The following NUP85 variants were observed in gnomAD, a reference collection of about 807,000 sequenced individuals.
NUP85 encodes nuclear pore complex protein Nup85.
In NUP85, 23 loss-of-function variants were observed where a neutral mutation model predicts 92.8. The ratio of observed to expected loss-of-function variants is 0.25; its 90% CI spans 0.18 to 0.35. The LOEUF is 0.35. Ranked by LOEUF, NUP85 falls within the 10% of genes least tolerant of loss-of-function variation. The pLI is 1.00. For synonymous variants in NUP85, 314 were observed against 306.9 expected, an observed-to-expected ratio of 1.02 and a Z score of -0.24; for missense variants, 759 against 822.8, an observed-to-expected ratio of 0.92 and a Z score of 0.95.
At chr17:75,222,806 C>T (rs1246373122) in intron 7 of NUP85, among the ~76,000 whole-genome samples, 6 of 151,908 alleles carry the variant, frequency 3.9e-5, no homozygotes, top group East Asian at 1.9e-4. Context: ...GAGGCCGAGG[C>T]GGGCGGATCA....
At chr17:75,230,066 C>CA (rs1270780134) in intron 11 of NUP85, among the ~76,000 whole-genome samples, 9 of 135,928 alleles carry the variant, frequency 6.6e-5, no homozygotes, top group Non-Finnish European at 1.3e-4. Context: ...TTTTTGGAGA[C>CA]AGAGTCTTGC....
chr17:75,218,087 T>G, intron 6 of NUP85, 98 bp from the exon 7 acceptor site: 1 of 1,518,384 alleles, frequency 6.6e-7, no homozygotes, highest in Non-Finnish European at 9.1e-7. Flanking sequence ...ACCTATGTAG[T>G]CAGCTTGTCT....
chr17:75,234,430 G>A (rs913215457), intron 16 of NUP85, among the ~76,000 whole-genome samples: 7 of 152,076 alleles, frequency 4.6e-5, no homozygotes, highest in East Asian at 1.9e-4. Flanking sequence ...TTGGCTCTTC[G>A]GAGTTCTTCC....
intron 3 of NUP85, among the ~76,000 whole-genome samples, chr17:75,211,222 T>C (rs12453181): frequency 0.92 from 138,916 of 151,550 alleles, 64,578 homozygotes; most frequent in Non-Finnish European, 1. Flanking sequence ...GGGCTGGTCT[T>C]GAACTCCTGA....
At chr17:75,207,412 T>C (rs2075119101) in intron 1 of NUP85, among the ~76,000 whole-genome samples, 1 of 152,018 alleles carries the variant, frequency 6.6e-6, no homozygotes, top group African/African-American at 2.4e-5. Flanking sequence ...CTGGAACTCC[T>C]GACCTCAGGT....
At chr17:75,213,913 C>T (rs1441302916) in intron 5 of NUP85, among the ~76,000 whole-genome samples, 3 of 147,020 alleles carry the variant, frequency 2.0e-5, no homozygotes, top group South Asian at 4.2e-4. Context: ...TCTCTGTCGC[C>T]CAGGCTGGAA....
At chr17:75,206,946 A>G (rs1268397986) in intron 1 of NUP85, among the ~76,000 whole-genome samples, 1 of 151,962 alleles carries the variant, frequency 6.6e-6, no homozygotes, top group African/African-American at 2.4e-5. Flanking sequence ...TGACCTCGTG[A>G]TCCGCCCACC....
chr17:75,235,338 A>T, intron 18 of NUP85, 137 bp downstream of exon 18: 2 of 635,782 alleles, frequency 3.1e-6, no homozygotes, highest in South Asian at 4.1e-5. Context: ...TGTGTAATTC[A>T]CACACCACCT....
rs138086614 is a variant in NUP85 at position 75,225,569 on chromosome 17, G to C, written c.855+105G>C. 3.1e-4 allele frequency: 481 copies of C among 1,571,160 alleles called. 2 individuals carry two copies. In the East Asian group the frequency reaches 0.01, roughly 33 times the overall value. ...TGGTCCTCCTTGGATAGGGCTGTCT[G>C]TCGCTCTGCCGTGATGGCGAGAGCT... On this transcript the variant is annotated intron_variant, in intron 9 of 18. Coordinates refer to ENST00000245544, the MANE Select transcript of NUP85 (RefSeq NM_024844.5).
chr17:75,219,340 G>A (rs1292002509), intron 7 of NUP85, among the ~76,000 whole-genome samples: 3 of 152,148 alleles, frequency 2.0e-5, no homozygotes, highest in Non-Finnish European at 2.9e-5. Context: ...GCAGTGATGC[G>A]ATCATGGCAC....
intron 11 of NUP85, among the ~76,000 whole-genome samples, chr17:75,227,326 G>GTTTTTTTTTT (rs71159460): frequency 8.8e-6 from 1 of 114,150 alleles, no homozygotes; most frequent in South Asian, 2.6e-4. Context: ...TTGTTTCTGG[G>GTTTTTTTTTT]TTTTTTTTTT....
intron 5 of NUP85, 129 bp from the exon 6 acceptor site, chr17:75,215,625 A>G: frequency 1.3e-6 from 1 of 761,122 alleles, no homozygotes; most frequent in Non-Finnish European, 2.2e-6. Flanking sequence ...GAAATCCTCC[A>G]GTAGGATTGC....
chr17:75,232,181 GACAAA>G, intron 14 of NUP85: 7 of 595,426 alleles, frequency 1.2e-5, no homozygotes, highest in Admixed American at 3.1e-5. Context: ...CTGGAACCCA[GACAAA>G]ATCTACACGC....
intron 1 of NUP85, 70 bp from the exon 2 acceptor site, chr17:75,208,440 CAAAAAAAAAAAAAAAAA>C (rs10579016): frequency 5.2e-6 from 3 of 575,998 alleles, no homozygotes; most frequent in Non-Finnish European, 9.1e-6. Context: ...GTCTTTGTCT[CAAAAAAAAAAAAAAAAA>C]AAAAAGAATG....
chr17:75,212,241 GTTGTTGTTTTTTTTTTTTTTTTTTTTTT>G (rs2075292918), intron 4 of NUP85, among the ~76,000 whole-genome samples, 179 bp downstream of exon 4: 2 of 2,766 alleles, frequency 7.2e-4, no homozygotes, highest in South Asian at 0.028. Context: ...TTTTTTTTTT[GTTGTTGTTTTTTTTTTTTTTTTTTTTTT>G]TTTTTTTTTT....
Position 75,231,250 on chromosome 17 carries a change from G to A in NUP85, c.1095-90G>A. 1 of 1,207,842 alleles carries A rather than the reference G, an allele frequency of 8.3e-7. No homozygotes were observed. Among genetic ancestry groups the A allele is most frequent in the Non-Finnish European group, 1.2e-6 (1 of 816,482 alleles). 74.8% of individuals were successfully genotyped at this position (1,207,842 alleles called of 1,614,324 possible). ...CCCGGCCCCATCTCTTTGAGGGACA[G>A]GACATGTGGGGTTTCTTGCTCACCC... On this transcript the variant is annotated intron_variant, in intron 11 of 18. Transcript: ENST00000245544. The surrounding 1 kb of genome is among the most constrained non-coding windows in gnomAD (Gnocchi z 4.6).
chr17:75,214,393 G>A lies in NUP85; in HGVS notation c.405+1274G>A, dbSNP rs535058255. Among the ~76,000 whole-genome samples, 428 of 152,200 alleles carry A rather than the reference G, an allele frequency of 2.8e-3. 1 individual carries two copies. The highest frequency in any genetic ancestry group is 9.7e-3 in the African/African-American group (401 of 41,528). ...GCAAGGTCCAGGTCTGATTTATTTC[G>A]GGGTCTTATATTGGGCTTTCCCGTT... is the stretch of plus-strand genomic sequence containing the variant. On this transcript the variant is annotated intron_variant, in intron 5 of 18. Coordinates refer to ENST00000245544, the MANE Select transcript of NUP85 (RefSeq NM_024844.5).
At chr17:75,225,007 T>TA (rs2075733398) in intron 7 of NUP85, 96 bp from the exon 8 acceptor site, 1 of 1,355,500 alleles carries the variant, frequency 7.4e-7, no homozygotes, top group Non-Finnish European at 9.9e-7. Flanking sequence ...TGTGAAGAGT[T>TA]AAAAAGCCAA....
Position 75,225,088 on chromosome 17 carries a change from C to T in NUP85, c.598-15C>T, listed in dbSNP as rs1334408640. On this transcript the variant is annotated splice_polypyrimidine_tract_variant and intron_variant, in intron 7 of 18. Transcript: ENST00000245544. ...GGCCTCCTGCCAATGCTTATGGGCC[C>T]GGATCTCCTCCCAGGTGACCATCTT... The T allele has an allele frequency of 9.1e-6, 14 of 1,532,316 alleles. No individual in the cohort carries two copies. Among genetic ancestry groups the T allele is most frequent in the East Asian group, 4.5e-5 (2 of 43,970 alleles). 94.9% of individuals were successfully genotyped at this position (1,532,316 alleles called of 1,614,324 possible).
Sources: gnomAD v4.1 joint callset for allele counts (sites outside exome capture counted in the v4.1 genomes callset) on GRCh38, gnomAD v4.1.1 for gene constraint, Gnocchi (gnomAD v3.1) non-coding constraint, MANE v1.5 for transcripts, NCBI Gene and HGNC (gene_info 2026-07-23, HGNC 2026-07-21) for gene names.